CCDC33: variants seen among roughly 807,000 people sequenced by gnomAD.
The protein encoded by CCDC33 is coiled-coil domain containing 33.
CCDC33 carries 94 observed loss-of-function variants against 91.9 expected under a neutral mutation model. That is an observed-to-expected ratio of 1.02 (90% CI 0.87 to 1.21). CCDC33 has a LOEUF of 1.21. CCDC33 is among the 50% of genes most tolerant of loss of function. The pLI is 0.00. For missense variants in CCDC33, 940 were observed against 935.5 expected (o/e 1.00, Z -0.06); for synonymous variants, 396 against 374.5 (o/e 1.06, Z -0.66).
chr15:74,312,512 TCTCCCTG>T (rs981131662), intron 11 of CCDC33, among the ~76,000 whole-genome samples: 3 of 152,118 alleles, frequency 2.0e-5, no homozygotes, highest in Non-Finnish European at 4.4e-5. Context: ...CGTTACAGCT[TCTCCCTG>T]CTCCCTGCCC....
intron 11 of CCDC33, among the ~76,000 whole-genome samples, chr15:74,328,920 G>A (rs1262367365): frequency 6.6e-6 from 1 of 152,128 alleles, no homozygotes; most frequent in Admixed American, 6.5e-5. Context: ...GCAAACGCAG[G>A]AGCAAACTCA....
chr15:74,237,861 T>A (rs910325869), intron 1 of CCDC33, among the ~76,000 whole-genome samples: 5 of 152,176 alleles, frequency 3.3e-5, no homozygotes, highest in African/African-American at 1.2e-4. Flanking sequence ...AGGATGCTCA[T>A]CATGGCCGGG....
chr15:74,311,552 G>C (rs533054299), intron 11 of CCDC33: 1 of 152,224 alleles, frequency 6.6e-6, no homozygotes, highest in African/African-American at 2.4e-5. Flanking sequence ...TTGTAGTAAG[G>C]GGGATGCAAC....
intron 2 of CCDC33, among the ~76,000 whole-genome samples, chr15:74,230,837 G>A (rs2074948301): frequency 6.6e-6 from 1 of 152,222 alleles, no homozygotes; most frequent in African/African-American, 2.4e-5. Flanking sequence ...AGGAATGGGA[G>A]GCTCTGAGGG....
exon 1 of CCDC33, chr15:74,217,241 G>A (rs572653734): frequency 1.6e-6 from 2 of 1,240,686 alleles, no homozygotes; most frequent in African/African-American, 3.1e-5. Context: ...AGGGTGCAGT[G>A]CTCAGCCTGG....
chr15:74,277,441 C>A (rs1259497479), intron 7 of CCDC33, among the ~76,000 whole-genome samples: 1 of 152,230 alleles, frequency 6.6e-6, no homozygotes, highest in African/African-American at 2.4e-5. Flanking sequence ...AGGCTCTGTC[C>A]CCAGGGGAAG....
At position 74,253,140 on chromosome 15, in the gene CCDC33, G is replaced by C. The variant is rs573347364; in HGVS notation, c.185+8992G>C. On this transcript the variant is annotated intron_variant, in intron 2 of 18. Transcript: ENST00000398814. ...CAGAGGGCATTCATGGGGGAGATTT[G>C]GGGCCATGAGGCAGGCCAGAGGGGG... Among the ~76,000 whole-genome samples, 216 of 152,306 alleles carry C rather than the reference G, an allele frequency of 1.4e-3. 3 individuals are homozygous for C. The highest frequency in any genetic ancestry group is 5.0e-3 in the African/African-American group (208 of 41,554).
intron 9 of CCDC33, among the ~76,000 whole-genome samples, chr15:74,281,023 T>C (rs1393419037): frequency 1.3e-5 from 2 of 152,180 alleles, no homozygotes; most frequent in African/African-American, 2.4e-5. Flanking sequence ...GCCAGAGAAA[T>C]TGCCCCTGAG....
chr15:74,330,926 A>C, intron 13 of CCDC33, 55 bp from the exon 14 acceptor site: 3 of 1,550,998 alleles, frequency 1.9e-6, no homozygotes, highest in Non-Finnish European at 2.6e-6. Context: ...CCTCAGGGCC[A>C]AGGTGGACTC....
At chr15:74,304,862 C>CA (rs35986919) in intron 11 of CCDC33, among the ~76,000 whole-genome samples, 2 of 152,210 alleles carry the variant, frequency 1.3e-5, no homozygotes, top group African/African-American at 4.8e-5. Context: ...AAATGTGCCC[C>CA]AGATCCCAAG....
At chr15:74,298,539 G>A (rs1343489801) in intron 11 of CCDC33, among the ~76,000 whole-genome samples, 1 of 151,898 alleles carries the variant, frequency 6.6e-6, no homozygotes, top group Non-Finnish European at 1.5e-5. Flanking sequence ...TTGGTTTTTT[G>A]TTTGTTTGTT....
At chr15:74,272,717 GCCAGGCT>G in intron 6 of CCDC33, 47 bp from the exon 7 acceptor site, 4 of 1,598,148 alleles carry the variant, frequency 2.5e-6, no homozygotes, top group Non-Finnish European at 3.4e-6. Context: ...GCCCTGGGCT[GCCAGGCT>G]CAGGTGCAGA....
chr15:74,325,052 A>T (rs1477182886), intron 11 of CCDC33, among the ~76,000 whole-genome samples: 1 of 147,258 alleles, frequency 6.8e-6, no homozygotes, highest in Non-Finnish European at 1.5e-5. Flanking sequence ...GCCATCCCCA[A>T]CCCTCCTCTT....
Position 74,266,591 on chromosome 15 carries a change from T to G in CCDC33, c.320-87T>G. 3 of 935,044 alleles carry G rather than the reference T, an allele frequency of 3.2e-6. No homozygotes were observed. The South Asian group carries it at 4.2e-5, about 13-fold the overall frequency. 57.9% of individuals were successfully genotyped at this position (935,044 alleles called of 1,614,324 possible). A position where few individuals can be genotyped will look rare whatever the true frequency, so the allele number is the denominator to read the frequency against. ...GGCCCCTGCTCCCTACTCTCAACAA[T>G]GTCTCTCACCTCTCACTGTCTCTCC... is the stretch of plus-strand genomic sequence containing the variant. On this transcript the variant is annotated intron_variant, in intron 3 of 18. Coordinates refer to ENST00000398814, the MANE Select transcript of CCDC33 (RefSeq NM_025055.5).
intron 2 of CCDC33, among the ~76,000 whole-genome samples, chr15:74,211,703 C>T (rs1268151262): frequency 6.6e-6 from 1 of 151,908 alleles, no homozygotes; most frequent in Non-Finnish European, 1.5e-5. Context: ...GGTGCTCAGC[C>T]CCTTTCTCTC....
intron 2 of CCDC33, among the ~76,000 whole-genome samples, chr15:74,219,099 G>A (rs1181723570): frequency 1.3e-5 from 2 of 152,200 alleles, no homozygotes; most frequent in Admixed American, 1.3e-4. Context: ...CCAACCAAGT[G>A]GGGTTTCTTT....
chr15:74,222,351 G>A (rs904497154), intron 2 of CCDC33, among the ~76,000 whole-genome samples: 1 of 152,116 alleles, frequency 6.6e-6, no homozygotes, highest in Non-Finnish European at 1.5e-5. Context: ...CTCGCTAGAA[G>A]GCCGGGAACT....
In CCDC33 at chr15:74,280,944, C is replaced by G. The variant is rs527387509; in HGVS notation, c.1023+143C>G. 7.1e-6 allele frequency: 6 copies of G among 846,206 alleles called. No individual in the cohort carries two copies. The African/African-American group carries it at 1.1e-4, about 15-fold the overall frequency. The allele number at this position is 846,206 out of a possible 1,614,324, so 52.4% of individuals were successfully genotyped here. A position where few individuals can be genotyped will look rare whatever the true frequency, so the allele number is the denominator to read the frequency against. On this transcript the variant is annotated intron_variant, in intron 9 of 18. Transcript: ENST00000398814. The stretch of plus-strand genomic sequence containing the variant: ...CAAGGCACCCACCAGGGAAGTCACC[C>G]AGTCTAGAAGTGAGGAGCTCCCTGG...
chr15:74,280,247 G>A (rs2076557156), intron 8 of CCDC33, among the ~76,000 whole-genome samples, 155 bp downstream of exon 8: 1 of 152,240 alleles, frequency 6.6e-6, no homozygotes, highest in African/African-American at 2.4e-5. Flanking sequence ...AGAGCTGGCT[G>A]CGTTCCTTGT....
Sources: allele counts gnomAD v4.1 joint callset (sites outside exome capture counted in the v4.1 genomes callset), GRCh38; gene constraint gnomAD v4.1.1; transcripts MANE v1.5; gene names NCBI Gene and HGNC (gene_info 2026-07-23, HGNC 2026-07-21).